MED13: variants seen among roughly 807,000 people sequenced by gnomAD.
The protein encoded by MED13 is mediator of RNA polymerase II transcription subunit 13.
Under a neutral mutation model 225.2 loss-of-function variants are expected in MED13, and 23 were observed. The ratio of observed to expected loss-of-function variants is 0.10; its 90% confidence interval spans 0.07 to 0.14. The LOEUF is 0.14. Among genes scored for constraint, MED13 ranks in the 10% least tolerant of loss-of-function variants. MED13 has a pLI of 1.00. For synonymous variants in MED13, 942 were observed against 889.2 expected, an observed-to-expected ratio of 1.06 and a Z score of -1.06; for missense variants, 2,197 against 2,594.5, an observed-to-expected ratio of 0.85 and a Z score of 3.33.
intron 8 of MED13, among the ~76,000 whole-genome samples, chr17:62,027,690 T>C (rs1159211572): frequency 6.6e-6 from 1 of 152,080 alleles, no homozygotes; most frequent in African/African-American, 2.4e-5. Context: ...CTGACAAATG[T>C]CTAATATCCA....
intron 26 of MED13, among the ~76,000 whole-genome samples, chr17:61,954,125 T>A (rs1266560681): frequency 6.6e-6 from 1 of 152,206 alleles, no homozygotes; most frequent in Admixed American, 6.5e-5. Flanking sequence ...AAACCAAAGA[T>A]AAGGAGGATT....
At chr17:62,013,442 T>C (rs943343983) in intron 8 of MED13, among the ~76,000 whole-genome samples, 1 of 151,890 alleles carries the variant, frequency 6.6e-6, no homozygotes, top group African/African-American at 2.4e-5. Context: ...ATTATCTCAA[T>C]AACTATAGAA....
intron 1 of MED13, among the ~76,000 whole-genome samples, chr17:62,063,583 C>T (rs1367927189): frequency 2.0e-5 from 3 of 152,212 alleles, no homozygotes; most frequent in Admixed American, 6.5e-5. Flanking sequence ...TATAGACACA[C>T]ACTTCAATAT....
chr17:62,013,678 C>A (rs538287428), intron 8 of MED13, among the ~76,000 whole-genome samples: 1 of 152,232 alleles, frequency 6.6e-6, no homozygotes, highest in East Asian at 1.9e-4. Context: ...TGCAATAAGG[C>A]AAGAAAGAGG....
chr17:62,035,856 A>G (rs2080798526), intron 3 of MED13, among the ~76,000 whole-genome samples: 1 of 152,228 alleles, frequency 6.6e-6, no homozygotes, highest in Non-Finnish European at 1.5e-5. Flanking sequence ...ACATTCACAC[A>G]TAGAATTATT....
rs1455182133 is a variant in MED13 at position 61,984,219 on chromosome 17, T to C, written c.2840A>G (p.Lys947Arg). The change falls in exon 15 of 30, where the codon AAA becomes AGA. Residue 947 changes from lysine (K) to arginine (R), a missense_variant. Coordinates refer to ENST00000397786, the MANE Select transcript of MED13 (RefSeq NM_005121.3). ...CIYRQSWTVG[K>R]LELLSSGPSM... ...AGGCCCTGAAGAAAGCAATTCCAAT[T>C]TTCCAACAGTCCAACTCTGACGGTA... 2 of 1,603,464 alleles carry C rather than the reference T, an allele frequency of 1.2e-6. No homozygotes were observed. The highest frequency in any genetic ancestry group is 1.7e-6 in the Non-Finnish European group (2 of 1,176,348).
rs746713226 is a variant in MED13 at position 62,063,144 on chromosome 17, G to C, written c.224C>G (p.Pro75Arg). 5 of 1,614,032 alleles carry C rather than the reference G, an allele frequency of 3.1e-6. No homozygotes were observed. Among genetic ancestry groups the C allele is most frequent in the Non-Finnish European group, 4.2e-6 (5 of 1,180,028 alleles). ...VLGVWRRDQR[P>R]GRRELWIFWW... The stretch of plus-strand genomic sequence containing the variant: ...AAATATCCACAATTCTCTTCTTCCA[G>C]GTCTTTGATCTCGCCGCCAAACACC... Residue 75 changes from proline to arginine, a missense_variant, in exon 2 of 30, where the codon CCT becomes CGT. Physicochemically the swap from Pro to Arg is moderately radical, Grantham distance 103 (BLOSUM62 -2). This residue lies in a region of MED13 where 884 missense variants were observed against 918.5 expected (regional missense o/e 0.96). Transcript: ENST00000397786.
rs869061252 is a variant in MED13 at position 62,015,954 on chromosome 17, ATTTTTTTTTTTTT to A, written c.1284-4734_1284-4722del. On this transcript the variant is annotated intron_variant, in intron 8 of 29. Coordinates refer to ENST00000397786, the MANE Select transcript of MED13 (RefSeq NM_005121.3). ...TATATATATATATATATATATATATATTTTTTTTTTTTTTTTTTTTTTTTTTTTTAGTAGAGAC... is the reference window on the plus strand; with the variant it reads ...TATATATATATATATATATATATATATTTTTTTTTTTTTTTTAGTAGAGAC... 5.5e-3 allele frequency among the ~76,000 whole-genome samples: 71 copies of A among 12,890 alleles called. 4 individuals carry two copies. Among genetic ancestry groups the A allele is most frequent in the South Asian group, 0.016 (3 of 182 alleles). The allele number at this position is 12,890 out of a possible 152,430, so 8.5% of individuals were successfully genotyped here. A position where few individuals can be genotyped will look rare whatever the true frequency, so the allele number is the denominator to read the frequency against.
At chr17:62,056,439 T>A (rs558481537) in intron 2 of MED13, among the ~76,000 whole-genome samples, 1 of 152,196 alleles carries the variant, frequency 6.6e-6, no homozygotes, top group Non-Finnish European at 1.5e-5. Context: ...CAGAGCCTAA[T>A]AGAAAAAGTC....
intron 4 of MED13, among the ~76,000 whole-genome samples, chr17:62,035,061 C>T (rs1414711964): frequency 6.6e-6 from 1 of 152,028 alleles, no homozygotes; most frequent in East Asian, 1.9e-4. Flanking sequence ...GTGGAGGTTG[C>T]AGTGAACCAA....
chr17:62,064,896 G>A (rs974441102), intron 1 of MED13, among the ~76,000 whole-genome samples: 1 of 152,200 alleles, frequency 6.6e-6, no homozygotes, highest in African/African-American at 2.4e-5. Flanking sequence ...ACGAGACTAC[G>A]GTGAGAAGGA....
rs777291994 is a variant in MED13 at position 61,987,000 on chromosome 17, T to C, written c.2385+7A>G. ...ATTATAATCCTATTCATTAATGAGA[T>C]ACTCACTGTTAGTTCATCTTCATCA... On this transcript the variant is annotated splice_region_variant and intron_variant, in intron 12 of 29. Coordinates refer to ENST00000397786, the MANE Select transcript of MED13 (RefSeq NM_005121.3). 1.5e-5 allele frequency: 23 copies of C among 1,529,890 alleles called. 2 individuals carry two copies. In the South Asian group the frequency reaches 2.8e-4, roughly 19 times the overall value. 94.8% of individuals were successfully genotyped at this position (1,529,890 alleles called of 1,614,324 possible). A position where few individuals can be genotyped will look rare whatever the true frequency, so the allele number is the denominator to read the frequency against.
Position 62,043,857 on chromosome 17 carries a change from C to T in MED13, c.471-8249G>A, listed in dbSNP as rs527859140. Among the ~76,000 whole-genome samples, 4 of 152,194 alleles carry T rather than the reference C, an allele frequency of 2.6e-5. No individual in the cohort carries two copies. The East Asian group carries it at 7.7e-4, about 29-fold the overall frequency. The stretch of plus-strand genomic sequence containing the variant: ...TATATTACAATTAATTTTGCCTATA[C>T]ATTTAGTTTTTTTTTAGCTTTTTAA... On this transcript the variant is annotated intron_variant, in intron 3 of 29. Coordinates refer to ENST00000397786, the MANE Select transcript of MED13 (RefSeq NM_005121.3).
intron 8 of MED13, among the ~76,000 whole-genome samples, chr17:62,019,869 G>A (rs796388312): frequency 7.3e-5 from 11 of 151,122 alleles, no homozygotes; most frequent in East Asian, 2.0e-4. Context: ...TTAGCCTCCC[G>A]AGTAGCTGGG....
At chr17:61,972,343 C>T (rs954371472) in intron 17 of MED13, among the ~76,000 whole-genome samples, 1 of 152,090 alleles carries the variant, frequency 6.6e-6, no homozygotes, top group African/African-American at 2.4e-5. Context: ...CCTTAGGGGG[C>T]CTTTTATCAC....
chr17:62,013,249 CAT>C (rs1304181245), intron 8 of MED13, among the ~76,000 whole-genome samples: 2 of 151,916 alleles, frequency 1.3e-5, no homozygotes, highest in African/African-American at 4.8e-5. Context: ...AAAAGAAAAC[CAT>C]AGACCATTAT....
At chr17:61,983,978 T>G (rs2080226967) in intron 15 of MED13, among the ~76,000 whole-genome samples, 193 bp downstream of exon 15, 1 of 152,204 alleles carries the variant, frequency 6.6e-6, no homozygotes, top group African/African-American at 2.4e-5. Flanking sequence ...TACGCCTGCC[T>G]TGGCCTCCCA....
Position 62,010,731 on chromosome 17 carries a change from G to T in MED13, c.1786C>A (p.Pro596Thr), listed in dbSNP as rs529282192. The T allele has an allele frequency of 8.7e-6, 14 of 1,613,314 alleles. No homozygotes were observed. In the South Asian group the frequency reaches 1.2e-4, roughly 14 times the overall value. Residue 596 changes from proline to threonine, a missense_variant, in exon 9 of 30, where the codon CCT becomes ACT. Physicochemically the swap from Pro to Thr is conservative, Grantham distance 38. Transcript: ENST00000397786. ...FPPQYQEAVE[P>T]TVYVGTAVNL... Reference sequence around the variant, plus strand: ...ACTGCTGTACCAACATATACTGTAGGTTCTACAGCTTCCTGATATTGAGGT... The same window carrying T: ...ACTGCTGTACCAACATATACTGTAGTTTCTACAGCTTCCTGATATTGAGGT...
chr17:61,993,129 A>G (rs1294481170), intron 10 of MED13, among the ~76,000 whole-genome samples: 3 of 151,944 alleles, frequency 2.0e-5, no homozygotes, highest in Non-Finnish European at 4.4e-5. Flanking sequence ...TATGGCTGAT[A>G]AACAGTGAGA....
Sources: allele counts gnomAD v4.1 joint callset (sites outside exome capture counted in the v4.1 genomes callset), GRCh38; gene constraint gnomAD v4.1.1; regional missense constraint gnomAD v4.1.1; transcripts MANE v1.5; gene names NCBI Gene and HGNC (gene_info 2026-07-23, HGNC 2026-07-21).